Variants in MAP3K4 observed in about 807,000 individuals in gnomAD.
The protein encoded by MAP3K4 is mitogen-activated protein kinase kinase kinase 4.
MAP3K4 carries 67 observed loss-of-function variants against 185.6 expected under a neutral mutation model. The observed-to-expected ratio is 0.36, with a 90% CI of 0.30 to 0.44. The LOEUF (loss-of-function observed/expected upper bound fraction) is 0.44, where lower values mean the gene tolerates loss of function less well. Ranked by LOEUF, MAP3K4 falls within the 20% of genes least tolerant of loss-of-function variation. MAP3K4 has a pLI of 1.00. For synonymous variants in MAP3K4, 702 were observed against 710.4 expected, an observed-to-expected ratio of 0.99 and a Z score of 0.19; for missense variants, 1,551 against 1,995.1, an observed-to-expected ratio of 0.78 and a Z score of 4.24.
intron 6 of MAP3K4, among the ~76,000 whole-genome samples, chr6:161,083,553 G>A (rs1446725687): frequency 2.0e-5 from 3 of 152,146 alleles, no homozygotes; most frequent in South Asian, 2.1e-4. Context: ...CAGCATGGCC[G>A]CAGGACTTTC....
intron 2 of MAP3K4, among the ~76,000 whole-genome samples, chr6:161,039,789 G>T (rs1783362446): frequency 6.6e-6 from 1 of 152,190 alleles, no homozygotes; most frequent in African/African-American, 2.4e-5. Flanking sequence ...AGTTGAATTA[G>T]AACATCCAAC....
chr6:161,050,738 T>G (rs1269989803), intron 3 of MAP3K4, among the ~76,000 whole-genome samples: 1 of 152,162 alleles, frequency 6.6e-6, no homozygotes, highest in Middle Eastern at 3.2e-3. Context: ...TTCTTGAGAG[T>G]CCAAAATAGT....
At chr6:161,039,419 A>G (rs1055839609) in intron 2 of MAP3K4, among the ~76,000 whole-genome samples, 2 of 152,120 alleles carry the variant, frequency 1.3e-5, no homozygotes, top group Non-Finnish European at 2.9e-5. Flanking sequence ...ATGCTCATGA[A>G]CTGATTATAC....
chr6:161,059,279 G>T (rs1308751444), intron 3 of MAP3K4, among the ~76,000 whole-genome samples: 1 of 152,042 alleles, frequency 6.6e-6, no homozygotes, highest in African/African-American at 2.4e-5. Flanking sequence ...GGGATCACAG[G>T]CGTGTGCAAC....
intron 1 of MAP3K4, among the ~76,000 whole-genome samples, chr6:161,009,259 C>G (rs1159230029): frequency 6.6e-6 from 1 of 152,194 alleles, no homozygotes; most frequent in African/African-American, 2.4e-5. Flanking sequence ...GCTGGGATTA[C>G]AGGTGTGAGT....
intron 7 of MAP3K4, among the ~76,000 whole-genome samples, chr6:161,085,222 CT>C (rs1199753929): frequency 1.3e-5 from 2 of 151,502 alleles, no homozygotes; most frequent in Admixed American, 6.6e-5. Context: ...TTTACATTGT[CT>C]GGGATGCCTT....
At position 161,002,589 on chromosome 6, in the gene MAP3K4, C is replaced by CTTTTTTTTT. The variant is rs34733206; in HGVS notation, c.152+10518_152+10526dup. 6.6e-5 allele frequency among the ~76,000 whole-genome samples: 7 copies of CTTTTTTTTT among 106,476 alleles called. 2 individuals carry two copies. Among genetic ancestry groups the CTTTTTTTTT allele is most frequent in the Non-Finnish European group, 1.0e-4 (6 of 57,474 alleles). The allele number at this position is 106,476 out of a possible 152,430, so 69.9% of individuals were successfully genotyped here. A position where few individuals can be genotyped will look rare whatever the true frequency, so the allele number is the denominator to read the frequency against. ...TTCTGCCATCTAAAAATAGTTTTGG[C>CTTTTTTTTT]TTTTTTTTTTTTTTTTTTTTGAGAT... On this transcript the variant is annotated intron_variant, in intron 1 of 26. Coordinates refer to ENST00000392142, the MANE Select transcript of MAP3K4 (RefSeq NM_005922.4).
chr6:161,102,452 T>C (rs1378524632), intron 18 of MAP3K4, among the ~76,000 whole-genome samples: 2 of 152,106 alleles, frequency 1.3e-5, no homozygotes, highest in Non-Finnish European at 2.9e-5. Context: ...TGCACAGTAT[T>C]CTGTTGTCTG....
At chr6:161,041,069 GAGA>G (rs1783428053) in intron 2 of MAP3K4, among the ~76,000 whole-genome samples, 1 of 152,194 alleles carries the variant, frequency 6.6e-6, no homozygotes, top group Admixed American at 6.5e-5. Context: ...GTGTGAGTAG[GAGA>G]AGGCTTTGGG....
chr6:161,081,917 T>C (rs1227739322), intron 6 of MAP3K4, among the ~76,000 whole-genome samples: 4 of 152,216 alleles, frequency 2.6e-5, no homozygotes, highest in Admixed American at 6.5e-5. Flanking sequence ...CTAGACCCCA[T>C]TGCATTTTGT....
chr6:161,021,625 A>G (rs1782393891), intron 1 of MAP3K4, among the ~76,000 whole-genome samples: 1 of 152,108 alleles, frequency 6.6e-6, no homozygotes, highest in Non-Finnish European at 1.5e-5. Flanking sequence ...GTTCCCTGTA[A>G]TCTTCCTCCA....
intron 1 of MAP3K4, among the ~76,000 whole-genome samples, chr6:161,019,093 AAAG>A (rs1477070620): frequency 6.6e-6 from 1 of 152,232 alleles, no homozygotes; most frequent in Non-Finnish European, 1.5e-5. Context: ...TTTTAGGAGA[AAAG>A]AAAGAGGAGA....
At chr6:161,092,586 A>T (rs1207195598) in intron 13 of MAP3K4, among the ~76,000 whole-genome samples, 1 of 152,226 alleles carries the variant, frequency 6.6e-6, no homozygotes, top group African/African-American at 2.4e-5. Context: ...ATGGAGGGAT[A>T]GCATGGGGCA....
intron 1 of MAP3K4, among the ~76,000 whole-genome samples, chr6:161,005,391 C>T (rs1056900269): frequency 4.6e-5 from 7 of 152,078 alleles, no homozygotes; most frequent in Non-Finnish European, 1.0e-4. Flanking sequence ...CTGCCTGCCT[C>T]GGTCTCGCAA....
In MAP3K4 at chr6:161,098,414, GC is replaced by G; in HGVS notation, c.3664del (p.His1222MetfsTer17). On this transcript the variant is annotated frameshift_variant, in exon 17 of 27. Transcript: ENST00000392142. LOFTEE classifies it high-confidence loss of function. The surrounding 1 kb of genome is among the most constrained non-coding windows in gnomAD (Gnocchi z 4.4). ...TGTGCTGCCCAAATCCATCAGCAGT[GC>G]CCATGATACCAGGTAGTCTCACCCC... ...DSVLPKSISS[A>X]HDTRGSSVPE... 1 of 1,613,566 alleles carries G rather than the reference GC, an allele frequency of 6.2e-7. No individual in the cohort carries two copies. Among genetic ancestry groups the G allele is most frequent in the Non-Finnish European group, 8.5e-7 (1 of 1,179,798 alleles).
In MAP3K4 at chr6:161,074,250, G is replaced by T. The variant is rs1233103644; in HGVS notation, c.2097+638G>T. Among the ~76,000 whole-genome samples, 1 of 152,220 alleles carries T rather than the reference G, an allele frequency of 6.6e-6. No individual in the cohort carries two copies. The highest frequency in any genetic ancestry group is 1.9e-4 in the East Asian group (1 of 5,198). On this transcript the variant is annotated intron_variant, in intron 5 of 26. Coordinates refer to ENST00000392142, the MANE Select transcript of MAP3K4 (RefSeq NM_005922.4). The surrounding 1 kb of genome is among the most constrained non-coding windows in gnomAD (Gnocchi z 5.0). ...AGGAACCTGGCACATTTGAGGACTT[G>T]TAAATAGTTTGATTGGGCAGGAGTA... is the stretch of plus-strand genomic sequence containing the variant.
In MAP3K4 at chr6:161,106,461, A is replaced by T. The variant is rs1778076262; in HGVS notation, c.3857-53A>T. 7.3e-7 allele frequency: 1 copy of T among 1,374,646 alleles called. No homozygotes were observed. Among genetic ancestry groups the T allele is most frequent in the Non-Finnish European group, 1.0e-6 (1 of 1,000,982 alleles). The allele number at this position is 1,374,646 out of a possible 1,614,324, so 85.2% of individuals were successfully genotyped here. The stretch of plus-strand genomic sequence containing the variant: ...TATTTTTATTGGTTTGTCTTTTGGA[A>T]ACTGACTTGATAACAGTGATTGGGA... On this transcript the variant is annotated intron_variant, in intron 19 of 26. Transcript: ENST00000392142. The surrounding 1 kb of genome is among the most constrained non-coding windows in gnomAD (Gnocchi z 4.9).
At chr6:161,036,435 T>A (rs1189017098) in intron 2 of MAP3K4, among the ~76,000 whole-genome samples, 2 of 152,200 alleles carry the variant, frequency 1.3e-5, no homozygotes, top group African/African-American at 2.4e-5. Context: ...AAATCACCCA[T>A]TAAACCTAAT....
intron 1 of MAP3K4, among the ~76,000 whole-genome samples, chr6:161,030,057 A>C (rs1782853771): frequency 6.6e-6 from 1 of 152,040 alleles, no homozygotes; most frequent in Non-Finnish European, 1.5e-5. Context: ...TTTAGCTCAG[A>C]GTTTGTTGGA....
Sources: allele counts gnomAD v4.1 joint callset (sites outside exome capture counted in the v4.1 genomes callset), GRCh38; gene constraint gnomAD v4.1.1; non-coding constraint Gnocchi (gnomAD v3.1); transcripts MANE v1.5; gene names NCBI Gene and HGNC (gene_info 2026-07-23, HGNC 2026-07-21).